The following RARB variants were observed in gnomAD, a reference collection of about 807,000 sequenced individuals.
RARB encodes the protein HBV-activated protein.
A neutral mutation model predicts 51.9 loss-of-function variants in RARB; 17 were observed. The ratio of observed to expected loss-of-function variants is 0.33; its 90% CI spans 0.22 to 0.49. The LOEUF is 0.49. Ranked by LOEUF, RARB falls within the 20% of genes least tolerant of loss-of-function variation. RARB has a pLI of 0.99. For synonymous variants in RARB, 215 were observed against 195.4 expected (o/e 1.10, Z -0.84); for missense variants, 369 against 550.8 (o/e 0.67, Z 3.30).
intron 4 of RARB, among the ~76,000 whole-genome samples, chr3:25,143,801 G>T (rs528520341): frequency 6.6e-6 from 1 of 152,240 alleles, no homozygotes; most frequent in East Asian, 1.9e-4. Context: ...GAACTTCTTT[G>T]GGTCTCCAAT....
chr3:25,253,228 CAT>C (rs1702773669), intron 5 of RARB, among the ~76,000 whole-genome samples: 1 of 152,252 alleles, frequency 6.6e-6, no homozygotes, highest in South Asian at 2.1e-4. Flanking sequence ...CTTTGATACA[CAT>C]GTGTTTTTTT....
rs955691225 is a variant in RARB, at chr3:25,242,994, T to G, written c.178+68419T>G. On this transcript the variant is annotated intron_variant, in intron 5 of 11. Transcript: ENST00000383772. ...CCTCTCTTATTTTCTTGAGCAGTGG[T>G]TTGTAGTTCTCCTTGAAGAGGTCCT... 7.9e-5 allele frequency among the ~76,000 whole-genome samples: 12 copies of G among 152,318 alleles called. No individual in the cohort carries two copies. The South Asian group carries it at 2.3e-3, about 29-fold the overall frequency.
intron 5 of RARB, among the ~76,000 whole-genome samples, chr3:25,246,540 T>C (rs1435378231): frequency 6.6e-6 from 1 of 152,174 alleles, no homozygotes; most frequent in Non-Finnish European, 1.5e-5. Context: ...TTGCTATTCC[T>C]TTCTGTTTGT....
intron 5 of RARB, among the ~76,000 whole-genome samples, chr3:25,240,292 C>T (rs1417195784): frequency 6.6e-6 from 1 of 152,096 alleles, no homozygotes; most frequent in East Asian, 1.9e-4. Context: ...ACTTGACTTC[C>T]TCATTTTCAA....
intron 3 of RARB, among the ~76,000 whole-genome samples, chr3:25,122,207 T>C (rs1315637674): frequency 6.6e-6 from 1 of 152,136 alleles, no homozygotes; most frequent in Non-Finnish European, 1.5e-5. Flanking sequence ...AAAAAGCAAG[T>C]ATTTTGCAAA....
At chr3:25,427,006 T>C (rs938297823), upstream of RARB, among the ~76,000 whole-genome samples, 1 of 152,224 alleles carries the variant, frequency 6.6e-6, no homozygotes, top group Non-Finnish European at 1.5e-5. Flanking sequence ...GAGAGAAAAC[T>C]GGTCCTTCAA....
At chr3:24,831,433 G>A (rs946538787) in intron 1 of RARB, among the ~76,000 whole-genome samples, 1 of 152,156 alleles carries the variant, frequency 6.6e-6, no homozygotes, top group Admixed American at 6.5e-5. Flanking sequence ...CGCCATCAGG[G>A]AGTAATTTGG....
intron 1 of RARB, chr3:25,458,375 C>A (rs1235677021): frequency 1.3e-5 from 2 of 152,194 alleles, no homozygotes; most frequent in Non-Finnish European, 2.9e-5. Flanking sequence ...GTGAATTTCT[C>A]TGAGTGAAAA....
intron 5 of RARB, among the ~76,000 whole-genome samples, chr3:25,256,352 A>G (rs995480346): frequency 6.6e-6 from 1 of 152,116 alleles, no homozygotes; most frequent in African/African-American, 2.4e-5. Flanking sequence ...CCTTTTTCTC[A>G]TATTGCTCCC....
intron 3 of RARB, among the ~76,000 whole-genome samples, chr3:25,072,116 T>C (rs199950767): frequency 1.3e-5 from 2 of 152,372 alleles, no homozygotes; most frequent in East Asian, 3.9e-4. Context: ...GTGATGATAG[T>C]GTGCCGAATG....
chr3:25,248,433 A>C (rs1471411073), intron 5 of RARB, among the ~76,000 whole-genome samples: 1 of 152,054 alleles, frequency 6.6e-6, no homozygotes. Context: ...GTTATTTTGA[A>C]TATTCTTTGT....
chr3:24,832,603 C>G (rs1702295744), intron 1 of RARB, among the ~76,000 whole-genome samples: 1 of 105,342 alleles, frequency 9.5e-6, no homozygotes, highest in South Asian at 3.2e-4. Flanking sequence ...GACTCATCCC[C>G]TGTATTTAGA....
At chr3:24,964,865 C>T (rs902021904) in intron 2 of RARB, among the ~76,000 whole-genome samples, 9 of 152,238 alleles carry the variant, frequency 5.9e-5, no homozygotes, top group African/African-American at 2.2e-4. Flanking sequence ...CTATTGGGTA[C>T]CCTCAGGCTG....
chr3:25,195,499 A>C (rs953263111), intron 5 of RARB, among the ~76,000 whole-genome samples: 4 of 151,940 alleles, frequency 2.6e-5, no homozygotes, highest in African/African-American at 9.7e-5. Context: ...AATATATTCA[A>C]CTTCTGAATT....
intron 3 of RARB, among the ~76,000 whole-genome samples, chr3:25,524,877 T>G (rs1286755): frequency 0.56 from 84,742 of 151,612 alleles, 26,792 homozygotes; most frequent in African/African-American, 0.87. Flanking sequence ...TTACAGGTGC[T>G]CACCATCACA....
intron 2 of RARB, among the ~76,000 whole-genome samples, chr3:24,921,272 A>C (rs940592561): frequency 2.6e-5 from 4 of 152,254 alleles, no homozygotes; most frequent in African/African-American, 9.6e-5. Context: ...ACTGTGCTAC[A>C]TACTTTTATT....
intron 2 of RARB, among the ~76,000 whole-genome samples, chr3:25,042,150 T>C (rs1443708787): frequency 6.6e-6 from 1 of 152,212 alleles, no homozygotes; most frequent in Non-Finnish European, 1.5e-5. Context: ...CTTACCATTT[T>C]TCTAAAAAAG....
At chr3:24,905,596 A>G (rs1694845198) in intron 2 of RARB, among the ~76,000 whole-genome samples, 1 of 152,194 alleles carries the variant, frequency 6.6e-6, no homozygotes, top group Non-Finnish European at 1.5e-5. Context: ...AAAAAGGAAA[A>G]GGATAGTTTG....
chr3:25,563,265 C>T (rs1272815218), intron 3 of RARB, among the ~76,000 whole-genome samples: 4 of 152,250 alleles, frequency 2.6e-5, no homozygotes, highest in Middle Eastern at 6.8e-3. Flanking sequence ...TTTTACAAAC[C>T]CTGAAATCAA....
Sources: allele counts gnomAD v4.1 joint callset (sites outside exome capture counted in the v4.1 genomes callset), GRCh38; gene constraint gnomAD v4.1.1; transcripts MANE v1.5; gene names NCBI Gene and HGNC (gene_info 2026-07-23, HGNC 2026-07-21).